The following TSPAN2 variants were observed in gnomAD, a reference collection of about 807,000 sequenced individuals.
TSPAN2 encodes tetraspanin 2.
In TSPAN2, 24 loss-of-function variants were observed where a neutral mutation model predicts 33.3. That is an observed-to-expected ratio of 0.72 (90% CI 0.52 to 1.01). The LOEUF is 1.01. Among genes scored for constraint, TSPAN2 ranks in the 50% least tolerant of loss-of-function variants. The pLI, the probability that TSPAN2 is intolerant of heterozygous loss-of-function variation, is 0.00. For synonymous variants in TSPAN2, 114 were observed against 104.5 expected (o/e 1.09, Z -0.56); for missense variants, 278 against 281.3 (o/e 0.99, Z 0.08).
At chr1:115,066,989 T>C (rs1035600306) in intron 2 of TSPAN2, among the ~76,000 whole-genome samples, 1 of 152,230 alleles carries the variant, frequency 6.6e-6, no homozygotes, top group Non-Finnish European at 1.5e-5. Context: ...ATGCTCGATC[T>C]GTAATAACAA....
At chr1:115,081,529 T>C (rs1194690576) in intron 1 of TSPAN2, among the ~76,000 whole-genome samples, 3 of 152,034 alleles carry the variant, frequency 2.0e-5, no homozygotes, top group African/African-American at 4.8e-5. Context: ...GGTACGTAGG[T>C]GTAAAGGAGT....
rs1327456343 is a variant in TSPAN2, at chr1:115,057,570, T to C, written c.483A>G (p.Gln161=). 1.2e-6 allele frequency: 2 copies of C among 1,614,032 alleles called. No individual in the cohort carries two copies. Among genetic ancestry groups the C allele is most frequent in the African/African-American group, 2.7e-5 (2 of 74,938 alleles). ...CTAGAAGCTCCTTTGGGCATGTAGGTTGGACCTGTTCGGAGCTTTCTTTTC... is the reference window on the plus strand; with the variant it reads ...CTAGAAGCTCCTTTGGGCATGTAGGCTGGACCTGTTCGGAGCTTTCTTTTC... ...CCGKESSEQV[Q]PTCPKELLGH... is the part of the protein sequence containing the mutation. Residue 161 remains glutamine, a synonymous_variant, in exon 6 of 8, where the codon CAA becomes CAG. Transcript: ENST00000369516.
intron 1 of TSPAN2, among the ~76,000 whole-genome samples, chr1:115,085,879 T>G (rs896656565): frequency 3.9e-5 from 6 of 152,148 alleles, no homozygotes; most frequent in African/African-American, 1.4e-4. Context: ...ACTGCATGCC[T>G]TCTATATGCT....
rs1647543447 is a variant in TSPAN2, at chr1:115,058,869, G to T, written c.444+14C>A. On this transcript the variant is annotated intron_variant, in intron 5 of 7. Transcript: ENST00000369516. Reference sequence around the variant, plus strand: ...TAGAAGCTGTGATTTTAAGGAAGAAGTGAAGTTACTCACTGTTGAGTGGAA... The same window carrying T: ...TAGAAGCTGTGATTTTAAGGAAGAATTGAAGTTACTCACTGTTGAGTGGAA... 1.3e-6 allele frequency: 2 copies of T among 1,578,018 alleles called. No homozygotes were observed. The highest frequency in any genetic ancestry group is 2.7e-5 in the African/African-American group (2 of 74,114).
chr1:115,055,388 G>A (rs1490709655), intron 6 of TSPAN2, among the ~76,000 whole-genome samples: 1 of 140,950 alleles, frequency 7.1e-6, no homozygotes, highest in South Asian at 2.6e-4. Flanking sequence ...TAAATTTGTT[G>A]GTGATACTTA....
chr1:115,068,990 A>C (rs1370288373), intron 2 of TSPAN2, among the ~76,000 whole-genome samples: 1 of 152,192 alleles, frequency 6.6e-6, no homozygotes, highest in Non-Finnish European at 1.5e-5. Flanking sequence ...GCTGACTGCC[A>C]GCCCCAGGTG....
intron 2 of TSPAN2, among the ~76,000 whole-genome samples, chr1:115,072,240 C>T (rs978127635): frequency 3.3e-5 from 5 of 152,118 alleles, no homozygotes; most frequent in Non-Finnish European, 5.9e-5. Context: ...CTCACCCCTT[C>T]CTACAGAGGT....
rs541929761 is a variant in TSPAN2, at chr1:115,057,715, G to A, written c.445-107C>T. The A allele has an allele frequency of 4.1e-6, 4 of 972,584 alleles. No individual in the cohort carries two copies. The African/African-American group carries it at 4.8e-5, about 12-fold the overall frequency. 60.2% of individuals were successfully genotyped at this position (972,584 alleles called of 1,614,324 possible). A position where few individuals can be genotyped will look rare whatever the true frequency, so the allele number is the denominator to read the frequency against. ...TGCCGAGGCGGCAAAGCAGCTCCGA[G>A]GCCCAGTCACTGCAACCCAGACTGC... On this transcript the variant is annotated intron_variant, in intron 5 of 7. Coordinates refer to ENST00000369516, the MANE Select transcript of TSPAN2 (RefSeq NM_005725.6).
At chr1:115,075,846 T>C (rs565245084) in intron 1 of TSPAN2, among the ~76,000 whole-genome samples, 2 of 152,036 alleles carry the variant, frequency 1.3e-5, no homozygotes, top group African/African-American at 4.8e-5. Flanking sequence ...AAATAAGAAA[T>C]GGGAGGCTAC....
Position 115,062,116 on chromosome 1 carries a change from AC to A in TSPAN2, c.270+18del. 1 of 1,451,352 alleles carries A rather than the reference AC, an allele frequency of 6.9e-7. No individual in the cohort carries two copies. Among genetic ancestry groups the A allele is most frequent in the Non-Finnish European group, 9.4e-7 (1 of 1,059,762 alleles). 89.9% of individuals were successfully genotyped at this position (1,451,352 alleles called of 1,614,324 possible). A position where few individuals can be genotyped will look rare whatever the true frequency, so the allele number is the denominator to read the frequency against. ...CTCCCTCACCCCCACCCCACCATTT[AC>A]CCCCTCGCCCCACTTACTGATCCAA... On this transcript the variant is annotated intron_variant, in intron 3 of 7. Coordinates refer to ENST00000369516, the MANE Select transcript of TSPAN2 (RefSeq NM_005725.6).
At chr1:115,089,303 C>T (rs4240540) in intron 1 of TSPAN2, 61 bp downstream of exon 1, 1,283,982 of 1,331,990 alleles carry the variant, frequency 0.96, 619,070 homozygotes, top group East Asian at 1. Flanking sequence ...TCGGGGACCC[C>T]GGCCCCGCGC....
intron 1 of TSPAN2, among the ~76,000 whole-genome samples, chr1:115,075,783 CT>C (rs1404603498): frequency 6.6e-6 from 1 of 152,194 alleles, no homozygotes; most frequent in Non-Finnish European, 1.5e-5. Flanking sequence ...TCCCTTTAGT[CT>C]CAACCCCTCT....
intron 2 of TSPAN2, among the ~76,000 whole-genome samples, chr1:115,068,674 T>C (rs993064597): frequency 3.3e-5 from 5 of 152,234 alleles, no homozygotes; most frequent in Admixed American, 2.0e-4. Context: ...TCATACTGTA[T>C]GTTGTGCAAA....
rs548881761 is a variant in TSPAN2 at position 115,062,192 on chromosome 1, G to A, written c.213C>T (p.Ala71=). Residue 71 remains alanine, a synonymous_variant, in exon 3 of 8, where the codon GCC becomes GCT. Transcript: ENST00000369516. ...VLVGAGALMM[A]VGFFGCCGAM... ...CTCCGCAGCACCCGAAGAACCCCAC[G>A]GCCATCATCAGGGCCCCGGCTCCAA... 8 of 1,577,244 alleles carry A rather than the reference G, an allele frequency of 5.1e-6. No individual in the cohort carries two copies. Among genetic ancestry groups the A allele is most frequent in the South Asian group, 4.5e-5 (4 of 88,424 alleles).
intron 1 of TSPAN2, among the ~76,000 whole-genome samples, chr1:115,080,608 A>C (rs1648589590): frequency 6.6e-6 from 1 of 152,186 alleles, no homozygotes; most frequent in African/African-American, 2.4e-5. Context: ...CAGCAAAATG[A>C]AATGTCATAG....
intron 6 of TSPAN2, among the ~76,000 whole-genome samples, chr1:115,054,414 C>T (rs1213341973): frequency 6.6e-6 from 1 of 152,134 alleles, no homozygotes; most frequent in Non-Finnish European, 1.5e-5. Context: ...TATGGTTTCT[C>T]CTGCTTTCTG....
intron 6 of TSPAN2, among the ~76,000 whole-genome samples, chr1:115,054,535 A>G (rs1647320579): frequency 6.6e-6 from 1 of 152,204 alleles, no homozygotes; most frequent in South Asian, 2.1e-4. Context: ...AGTGGAAAAA[A>G]TGAGAGTCAA....
At chr1:115,052,742 G>A (rs1010116437) in intron 7 of TSPAN2, among the ~76,000 whole-genome samples, 5 of 152,294 alleles carry the variant, frequency 3.3e-5, no homozygotes, top group African/African-American at 1.2e-4. Context: ...CCTTTGCCTG[G>A]TAGATTATGC....
chr1:115,079,850 C>A (rs1648558228), intron 1 of TSPAN2, among the ~76,000 whole-genome samples: 1 of 152,198 alleles, frequency 6.6e-6, no homozygotes, highest in Non-Finnish European at 1.5e-5. Context: ...AGAAAAACTT[C>A]CTTCAGGTAA....
Sources: gnomAD v4.1 joint callset for allele counts (sites outside exome capture counted in the v4.1 genomes callset) on GRCh38, gnomAD v4.1.1 for gene constraint, MANE v1.5 for transcripts, NCBI Gene and HGNC (gene_info 2026-07-23, HGNC 2026-07-21) for gene names.